The following USP40 variants were observed in gnomAD, a reference collection of about 807,000 sequenced individuals.
USP40 encodes ubiquitin specific peptidase 40.
Under a neutral mutation model 166.2 loss-of-function variants are expected in USP40, and 143 were observed. That is an observed-to-expected ratio of 0.86 (90% CI 0.75 to 0.99). The LOEUF is 0.99. USP40 is among the 50% of genes least tolerant of loss of function. The pLI, the probability that USP40 is intolerant of heterozygous loss-of-function variation, is 0.00. For missense variants in USP40, 1,444 were observed against 1,479.7 expected, an observed-to-expected ratio of 0.98 and a Z score of 0.40; for synonymous variants, 498 against 524.0, an observed-to-expected ratio of 0.95 and a Z score of 0.68.
Position 233,559,941 on chromosome 2 carries a change from C to A in USP40, c.268-17G>T. 2 of 1,562,258 alleles carry A rather than the reference C, an allele frequency of 1.3e-6. No homozygotes were observed. Among genetic ancestry groups the A allele is most frequent in the Non-Finnish European group, 8.7e-7 (1 of 1,147,136 alleles). On this transcript the variant is annotated splice_polypyrimidine_tract_variant and intron_variant, in intron 3 of 31. Transcript: ENST00000678225. ...GATTCGAACCTGAATGAGAAACAAA[C>A]ACATTTCTAAATGAATTCTTTAAGT...
chr2:233,529,791 CTTT>C (rs1451072535), intron 11 of USP40, among the ~76,000 whole-genome samples: 43 of 132,582 alleles, frequency 3.2e-4, no homozygotes, highest in African/African-American at 1.1e-3. Flanking sequence ...AGATTTTCAT[CTTT>C]TTTTTTTCTT....
intron 19 of USP40, chr2:233,512,206 A>T (rs1325914662): frequency 5.3e-6 from 1 of 187,492 alleles, no homozygotes; most frequent in Non-Finnish European, 1.1e-5. Context: ...AATTAAATCT[A>T]ATGGTAAGAG....
intron 20 of USP40, among the ~76,000 whole-genome samples, chr2:233,510,392 C>CTTTTTTTTTTTTTTTTTTTTTTTTTTTT (rs1158427662): frequency 5.8e-5 from 4 of 68,682 alleles, no homozygotes; most frequent in Middle Eastern, 0.012. Flanking sequence ...CTTTTTCTTT[C>CTTTTTTTTTTTTTTTTTTTTTTTTTTTT]TTTTTTTTTT....
chr2:233,532,351 G>A (rs1019524971), intron 11 of USP40, among the ~76,000 whole-genome samples: 1 of 152,172 alleles, frequency 6.6e-6, no homozygotes, highest in African/African-American at 2.4e-5. Flanking sequence ...GTTTGCACAT[G>A]ATAGTGACCT....
At chr2:233,522,863 C>A (rs2067752595) in intron 16 of USP40, among the ~76,000 whole-genome samples, 3 of 152,200 alleles carry the variant, frequency 2.0e-5, no homozygotes, top group African/African-American at 7.2e-5. Context: ...ATAACTGGCA[C>A]TAATCAGAAT....
At chr2:233,501,174 TCAAA>T (rs1451584561) in intron 21 of USP40, among the ~76,000 whole-genome samples, 12 of 152,106 alleles carry the variant, frequency 7.9e-5, no homozygotes, top group South Asian at 2.1e-4. Flanking sequence ...AGAAAAACAA[TCAAA>T]CAATTGAGCA....
chr2:233,526,774 T>C lies in USP40; in HGVS notation c.1725+633A>G, dbSNP rs188274214. ...TAGATTTAGGACCACAGGCAAGACA[T>C]TGAGTCTCTTTAAATCACACTGCCT... On this transcript the variant is annotated intron_variant, in intron 13 of 31. Transcript: ENST00000678225. Among the ~76,000 whole-genome samples, 13 of 152,248 alleles carry C rather than the reference T, an allele frequency of 8.5e-5. No individual in the cohort carries two copies. In the East Asian group the frequency reaches 1.2e-3, roughly 14 times the overall value.
At chr2:233,492,827 T>C (rs1261845017) in intron 25 of USP40, 2 of 152,282 alleles carry the variant, frequency 1.3e-5, no homozygotes, top group Non-Finnish European at 2.9e-5. Context: ...CATTTCTTTA[T>C]AATGAAGTGG....
chr2:233,546,689 T>TA (rs2069975162), intron 8 of USP40: 1 of 152,258 alleles, frequency 6.6e-6, no homozygotes, highest in South Asian at 2.1e-4. Context: ...AATAAACACT[T>TA]ACCAGACATG....
chr2:233,500,657 T>G (rs1252485294), intron 21 of USP40, among the ~76,000 whole-genome samples: 1 of 152,062 alleles, frequency 6.6e-6, no homozygotes, highest in Admixed American at 6.5e-5. Flanking sequence ...TTTTAAAAAG[T>G]AGGAAATGTC....
rs760072451 is a variant in USP40 at position 233,527,555 on chromosome 2, T to C, written c.1577A>G (p.Asn526Ser). 2.5e-6 allele frequency: 4 copies of C among 1,610,474 alleles called. No homozygotes were observed. The highest frequency in any genetic ancestry group is 1.1e-5 in the South Asian group (1 of 90,086). ...CAGGTGAAGATGCAATTCAAAAGTA[T>C]TGTTTGCAGAATCACATTCTGCCCT... ...TKRAECDSAN[N>S]TFELHLHLGP... The change falls in exon 13 of 32, where the codon AAT (asparagine) becomes AGT (serine). Residue 526 changes from asparagine to serine, a missense_variant. Asn to Ser is a conservative substitution (Grantham distance 46). Coordinates refer to ENST00000678225, the MANE Select transcript of USP40 (RefSeq NM_001365479.2).
At position 233,480,686 on chromosome 2, in the gene USP40, G is replaced by A. The variant is rs754994716; in HGVS notation, c.3599+517C>T. ...GAGGTAGAAGATGGCCTGTGGCAGC[G>A]GAGTCCTGGCGGCCAGGGGTCAGGC... On this transcript the variant is annotated intron_variant, in intron 31 of 31. Coordinates refer to ENST00000678225, the MANE Select transcript of USP40 (RefSeq NM_001365479.2). This position sits in a 1 kb window ranked among gnomAD's most constrained non-coding sequence, Gnocchi z 4.5. Among the ~76,000 whole-genome samples the A allele has an allele frequency of 6.6e-6, 1 of 152,202 alleles. No individual in the cohort carries two copies. The highest frequency in any genetic ancestry group is 1.5e-5 in the Non-Finnish European group (1 of 68,026).
At chr2:233,530,173 GAAAT>G (rs1447902554) in intron 11 of USP40, among the ~76,000 whole-genome samples, 2 of 149,996 alleles carry the variant, frequency 1.3e-5, no homozygotes, top group African/African-American at 2.5e-5. Context: ...AAGTGTAAAA[GAAAT>G]AGATACTGCT....
chr2:233,501,587 T>C (rs571762903), intron 21 of USP40, among the ~76,000 whole-genome samples: 14 of 152,180 alleles, frequency 9.2e-5, no homozygotes, highest in Non-Finnish European at 1.3e-4. Flanking sequence ...GTGGTAGTAA[T>C]GAACAGAATG....
chr2:233,486,947 C>T lies in USP40; in HGVS notation c.3198-970G>A, dbSNP rs187198401. Among the ~76,000 whole-genome samples the T allele has an allele frequency of 6.6e-6, 1 of 152,154 alleles. No homozygotes were observed. The highest frequency in any genetic ancestry group is 2.4e-5 in the African/African-American group (1 of 41,426). ...GGGGACAGAGGCTGCTGGAGAGAAA[C>T]AGGAGGGACTAGAGGCCTCCTTGAG... On this transcript the variant is annotated intron_variant, in intron 28 of 31. Transcript: ENST00000678225. This position sits in a 1 kb window ranked among gnomAD's most constrained non-coding sequence, Gnocchi z 4.0.
Position 233,542,158 on chromosome 2 carries a change from T to C in USP40, c.1062+110A>G, listed in dbSNP as rs2069476189. ...CTTAAGGAAAGACTATGAATGGTAATAATATCACACCTAGCAATTAAACCG... is the reference window on the plus strand; with the variant it reads ...CTTAAGGAAAGACTATGAATGGTAACAATATCACACCTAGCAATTAAACCG... On this transcript the variant is annotated intron_variant, in intron 9 of 31. Coordinates refer to ENST00000678225, the MANE Select transcript of USP40 (RefSeq NM_001365479.2). 6.4e-6 allele frequency: 3 copies of C among 467,962 alleles called. No homozygotes were observed. The South Asian group carries it at 1.6e-4, about 25-fold the overall frequency. The allele number at this position is 467,962 out of a possible 1,614,324, so 29.0% of individuals were successfully genotyped here. A position where few individuals can be genotyped will look rare whatever the true frequency, so the allele number is the denominator to read the frequency against.
In USP40 at chr2:233,503,655, A is replaced by G. The variant is rs149321887; in HGVS notation, c.2614-3740T>C. ...AAGAAAAAAACACTGTCAGCCAAGA[A>G]TATCATATCCAGCAAAGCTATCCTT... On this transcript the variant is annotated intron_variant, in intron 21 of 31. Transcript: ENST00000678225. 1.3e-4 allele frequency among the ~76,000 whole-genome samples: 20 copies of G among 152,318 alleles called. No homozygotes were observed. In the East Asian group the frequency reaches 2.7e-3, roughly 21 times the overall value.
At position 233,523,343 on chromosome 2, in the gene USP40, A is replaced by G. The variant is rs2067791156; in HGVS notation, c.2028T>C (p.Thr676=). The G allele has an allele frequency of 1.4e-5, 22 of 1,614,042 alleles. No homozygotes were observed. Among genetic ancestry groups the G allele is most frequent in the Non-Finnish European group, 1.9e-5 (22 of 1,179,892 alleles). The part of the protein sequence containing the change: ...HVFPANAEVG[T]VLTALAIPAG... ...CTGGGATTGCTAAGGCTGTGAGGAC[A>G]GTGCCCACTTCTGCATTAGCTGGAA... The change falls in exon 16 of 32, where the codon ACT becomes ACC. Residue 676 remains threonine, a synonymous_variant. Coordinates refer to ENST00000678225, the MANE Select transcript of USP40 (RefSeq NM_001365479.2).
chr2:233,485,872 G>A lies in USP40; in HGVS notation c.3303C>T (p.Gly1101=), dbSNP rs772163697. ...AATCGGCAACTCTCTGCCTCAGGGA[G>A]CCGGCAGTCCCACCCTGGGCCGCGT... The part of the protein sequence containing the change: ...VWNAAQGGTA[G]SLRQRVADFY... The change falls in exon 29 of 32, where the codon GGC becomes GGT. Residue 1101 remains glycine (G), a synonymous_variant. Transcript: ENST00000678225. 6.2e-7 allele frequency: 1 copy of A among 1,607,820 alleles called. No individual in the cohort carries two copies. The highest frequency in any genetic ancestry group is 1.7e-5 in the Admixed American group (1 of 59,184).
Sources: allele counts gnomAD v4.1 joint callset (sites outside exome capture counted in the v4.1 genomes callset), GRCh38; gene constraint gnomAD v4.1.1; non-coding constraint Gnocchi (gnomAD v3.1); transcripts MANE v1.5; gene names NCBI Gene and HGNC (gene_info 2026-07-23, HGNC 2026-07-21).